Variants in NKAIN2 observed in about 807,000 individuals in gnomAD.
The protein encoded by NKAIN2 is sodium/potassium transporting ATPase interacting 2, also known as sodium/potassium-transporting ATPase subunit beta-1-interacting protein 2.
A neutral mutation model predicts 32.6 loss-of-function variants in NKAIN2; 14 were observed. The ratio of observed to expected loss-of-function variants is 0.43; its 90% CI spans 0.28 to 0.67. The LOEUF (loss-of-function observed/expected upper bound fraction) is 0.67. NKAIN2 is among the 30% of genes least tolerant of loss of function. The probability of loss-of-function intolerance (pLI) is 0.17; values close to 1 mark genes in which losing one functional copy is unlikely to be tolerated. For synonymous variants in NKAIN2, 80 were observed against 87.2 expected (o/e 0.92, Z 0.46); for missense variants, 198 against 258.3 (o/e 0.77, Z 1.60).
chr6:124,313,534 C>A (rs1279707459), intron 2 of NKAIN2, among the ~76,000 whole-genome samples: 1 of 152,066 alleles, frequency 6.6e-6, no homozygotes, highest in Non-Finnish European at 1.5e-5. Flanking sequence ...TAGGGCATGA[C>A]CTGCTTTTCT....
intron 1 of NKAIN2, among the ~76,000 whole-genome samples, chr6:123,892,972 G>T (rs182922546): frequency 2.6e-4 from 39 of 151,676 alleles, no homozygotes; most frequent in Admixed American, 7.2e-4. Flanking sequence ...ATAAACTGAA[G>T]TTCTGTGATG....
At chr6:123,956,645 A>T (rs1777607040) in intron 1 of NKAIN2, among the ~76,000 whole-genome samples, 1 of 152,188 alleles carries the variant, frequency 6.6e-6, no homozygotes, top group South Asian at 2.1e-4. Context: ...TGAGCTGATG[A>T]ATAAAACAGG....
At chr6:124,458,817 C>G (rs1443871676) in intron 3 of NKAIN2, among the ~76,000 whole-genome samples, 1 of 151,744 alleles carries the variant, frequency 6.6e-6, no homozygotes, top group Non-Finnish European at 1.5e-5. Context: ...TAAACTTGAC[C>G]TTTCCCCTGC....
At position 124,823,466 on chromosome 6, in the gene NKAIN2, C is replaced by G; in HGVS notation, c.*237C>G. 2.1e-6 allele frequency: 1 copy of G among 470,030 alleles called. No individual in the cohort carries two copies. The highest frequency in any genetic ancestry group is 3.8e-6 in the Non-Finnish European group (1 of 263,488). 29.1% of individuals were successfully genotyped at this position (470,030 alleles called of 1,614,324 possible). A position where few individuals can be genotyped will look rare whatever the true frequency, so the allele number is the denominator to read the frequency against. Reference sequence around the variant, plus strand: ...AACTGAAACAGACAAATATGCAGGACACGCCCATCTTGGATTTCCTGAAAG... The same window carrying G: ...AACTGAAACAGACAAATATGCAGGAGACGCCCATCTTGGATTTCCTGAAAG... On this transcript the variant is annotated 3_prime_UTR_variant, in exon 7 of 7. Coordinates refer to ENST00000368417, the MANE Select transcript of NKAIN2 (RefSeq NM_001040214.3).
chr6:124,046,990 A>T (rs911433228), intron 1 of NKAIN2, among the ~76,000 whole-genome samples: 1 of 152,036 alleles, frequency 6.6e-6, no homozygotes, highest in African/African-American at 2.4e-5. Flanking sequence ...GCTATCAAAA[A>T]TGCCTTCGCT....
chr6:124,244,845 G>A (rs1463908330), intron 1 of NKAIN2, among the ~76,000 whole-genome samples: 1 of 152,022 alleles, frequency 6.6e-6, no homozygotes, highest in Non-Finnish European at 1.5e-5. Context: ...GGGTAGAGAA[G>A]GAATACTAAA....
intron 3 of NKAIN2, among the ~76,000 whole-genome samples, chr6:124,600,205 C>G (rs1782254239): frequency 6.6e-6 from 1 of 152,040 alleles, no homozygotes; most frequent in South Asian, 2.1e-4. Context: ...CTTATGGACA[C>G]CCACAGATAT....
chr6:124,282,344 CT>C, intron 1 of NKAIN2: 1 of 298,594 alleles, frequency 3.3e-6, no homozygotes, highest in South Asian at 2.8e-5. Flanking sequence ...TAGGGCCCTT[CT>C]TTTACCTGGT....
chr6:124,236,748 A>G (rs1792787922), intron 1 of NKAIN2, among the ~76,000 whole-genome samples: 2 of 152,066 alleles, frequency 1.3e-5, no homozygotes, highest in East Asian at 2.0e-4. Context: ...GGTGGTAAAC[A>G]TAGATGCTTC....
At chr6:124,687,786 T>TG (rs1774052894) in intron 4 of NKAIN2, among the ~76,000 whole-genome samples, 1 of 49,802 alleles carries the variant, frequency 2.0e-5, no homozygotes, top group African/African-American at 5.6e-5. Flanking sequence ...ACACACATAC[T>TG]GTTCTATTAG....
At chr6:124,461,845 T>C (rs1283448667) in intron 3 of NKAIN2, among the ~76,000 whole-genome samples, 1 of 151,844 alleles carries the variant, frequency 6.6e-6, no homozygotes, top group African/African-American at 2.4e-5. Flanking sequence ...CTTTAGACTT[T>C]TGTGAATTCC....
intron 1 of NKAIN2, among the ~76,000 whole-genome samples, chr6:124,044,459 T>TC (rs1782027512): frequency 6.6e-6 from 1 of 152,054 alleles, no homozygotes; most frequent in Non-Finnish European, 1.5e-5. Context: ...GAAGTAGTTC[T>TC]CCCCTCAGTA....
At chr6:124,492,770 TA>T (rs1322851870) in intron 3 of NKAIN2, among the ~76,000 whole-genome samples, 1 of 151,986 alleles carries the variant, frequency 6.6e-6, no homozygotes, top group African/African-American at 2.4e-5. Flanking sequence ...ATTTAAGAAA[TA>T]ATATTTTTAA....
chr6:124,805,333 C>CA (rs1374770051), intron 5 of NKAIN2, among the ~76,000 whole-genome samples: 3 of 152,256 alleles, frequency 2.0e-5, no homozygotes, highest in South Asian at 2.1e-4. Flanking sequence ...TCGCGGTTCA[C>CA]AAAAAACCAC....
intron 4 of NKAIN2, among the ~76,000 whole-genome samples, chr6:124,668,104 T>A (rs1261044845): frequency 1.3e-5 from 2 of 152,176 alleles, no homozygotes; most frequent in Non-Finnish European, 2.9e-5. Flanking sequence ...TAGACTCCTA[T>A]CAAGCAGTGG....
At chr6:124,223,814 A>T (rs761471805) in intron 1 of NKAIN2, among the ~76,000 whole-genome samples, 23 of 152,174 alleles carry the variant, frequency 1.5e-4, no homozygotes, top group Non-Finnish European at 2.8e-4. Context: ...TGCCTACTTG[A>T]GATAGTTACC....
intron 1 of NKAIN2, among the ~76,000 whole-genome samples, chr6:124,255,110 C>T (rs1793867628): frequency 6.6e-6 from 1 of 152,136 alleles, no homozygotes; most frequent in African/African-American, 2.4e-5. Flanking sequence ...GATAATTGCT[C>T]AGAACTCATT....
At chr6:124,434,850 G>A (rs1363958612) in intron 3 of NKAIN2, among the ~76,000 whole-genome samples, 1 of 152,130 alleles carries the variant, frequency 6.6e-6, no homozygotes, top group African/African-American at 2.4e-5. Flanking sequence ...CAGTGAGATG[G>A]CTTATAGAGT....
chr6:124,454,759 C>A (rs1019147313), intron 3 of NKAIN2, among the ~76,000 whole-genome samples: 3 of 151,966 alleles, frequency 2.0e-5, no homozygotes, highest in Non-Finnish European at 4.4e-5. Flanking sequence ...GGTGTCTTGT[C>A]AGAAATTGAA....
Sources: allele counts gnomAD v4.1 joint callset (sites outside exome capture counted in the v4.1 genomes callset), GRCh38; gene constraint gnomAD v4.1.1; transcripts MANE v1.5; gene names NCBI Gene and HGNC (gene_info 2026-07-23, HGNC 2026-07-21).